CSNK1G1: variants seen among roughly 807,000 people sequenced by gnomAD.
CSNK1G1 encodes casein kinase 1 gamma 1.
In CSNK1G1, 22 loss-of-function variants were observed where a neutral mutation model predicts 59.6. The observed-to-expected ratio is 0.37, with a 90% confidence interval of 0.26 to 0.53. CSNK1G1 has a LOEUF of 0.53. Among genes scored for constraint, CSNK1G1 ranks in the 20% least tolerant of loss-of-function variants. The pLI is 0.89. For synonymous variants in CSNK1G1, 179 were observed against 177.1 expected (o/e 1.01, Z -0.08); for missense variants, 384 against 519.5 (o/e 0.74, Z 2.54).
chr15:64,334,437 G>A (rs1350276178), intron 1 of CSNK1G1, among the ~76,000 whole-genome samples: 1 of 152,104 alleles, frequency 6.6e-6, no homozygotes, highest in African/African-American at 2.4e-5. Context: ...GATGATTCAA[G>A]CACACTACAT....
chr15:64,203,770 C>A (rs1488142507), intron 9 of CSNK1G1, among the ~76,000 whole-genome samples: 1 of 147,334 alleles, frequency 6.8e-6, no homozygotes, highest in African/African-American at 2.5e-5. Flanking sequence ...ACCAGAACAA[C>A]AAATTCAAAA....
chr15:64,323,351 T>C (rs1418506381), intron 1 of CSNK1G1, among the ~76,000 whole-genome samples: 1 of 152,084 alleles, frequency 6.6e-6, no homozygotes, highest in Non-Finnish European at 1.5e-5. Flanking sequence ...AAAAATTATT[T>C]AATTACTGAC....
intron 2 of CSNK1G1, among the ~76,000 whole-genome samples, chr15:64,261,797 G>C (rs1265847449): frequency 1.3e-5 from 2 of 151,736 alleles, no homozygotes; most frequent in African/African-American, 2.4e-5. Flanking sequence ...ACAAAAATTA[G>C]GCAGGCGTGG....
intron 1 of CSNK1G1, among the ~76,000 whole-genome samples, chr15:64,311,026 A>C (rs1895968811): frequency 6.6e-6 from 1 of 151,272 alleles, no homozygotes; most frequent in Non-Finnish European, 1.5e-5. Context: ...AAAGGAAAAA[A>C]GAAAAACATA....
intron 11 of CSNK1G1, among the ~76,000 whole-genome samples, chr15:64,172,646 C>T (rs1376429262): frequency 6.6e-6 from 1 of 152,116 alleles, no homozygotes; most frequent in Non-Finnish European, 1.5e-5. Context: ...TGTCACAGCC[C>T]AAGAGCTGAC....
chr15:64,222,673 TAA>T (rs779834417), intron 4 of CSNK1G1, among the ~76,000 whole-genome samples: 2 of 134,474 alleles, frequency 1.5e-5, no homozygotes, highest in Admixed American at 7.5e-5. Flanking sequence ...CTTTAAAACT[TAA>T]AAAAAAAAAA....
chr15:64,178,546 ATC>A (rs2081769622), intron 11 of CSNK1G1, among the ~76,000 whole-genome samples: 1 of 150,502 alleles, frequency 6.6e-6, no homozygotes, highest in African/African-American at 2.5e-5. Context: ...CGGTGGCACA[ATC>A]TCGACTCACC....
intron 3 of CSNK1G1, 25 bp from the exon 4 acceptor site, chr15:64,251,606 G>C (rs200152725): frequency 5.2e-6 from 8 of 1,550,382 alleles, no homozygotes; most frequent in Non-Finnish European, 7.1e-6. Flanking sequence ...GAAAAACTGT[G>C]ATCAGATTTA....
intron 1 of CSNK1G1, among the ~76,000 whole-genome samples, chr15:64,343,077 T>C (rs1179051502): frequency 6.6e-6 from 1 of 152,082 alleles, no homozygotes; most frequent in Non-Finnish European, 1.5e-5. Context: ...CGGGGTGTGG[T>C]GGCGCATGCC....
Position 64,334,612 on chromosome 15 carries a change from G to C in CSNK1G1, c.-225+21376C>G, listed in dbSNP as rs114300360. 8.3e-3 allele frequency among the ~76,000 whole-genome samples: 1,268 copies of C among 152,270 alleles called. 18 individuals carry two copies. Among genetic ancestry groups the C allele is most frequent in the African/African-American group, 0.029 (1,192 of 41,554 alleles). ...GACTCTGGCCAATCATCAGGCATTA[G>C]ATTCTCATAAGGAGTGCATAACCTA... On this transcript the variant is annotated intron_variant, in intron 1 of 11. Coordinates refer to ENST00000303052, the MANE Select transcript of CSNK1G1 (RefSeq NM_022048.5).
intron 1 of CSNK1G1, among the ~76,000 whole-genome samples, chr15:64,355,244 AC>A (rs1169853553): frequency 6.6e-6 from 1 of 152,110 alleles, no homozygotes; most frequent in African/African-American, 2.4e-5. Context: ...TCAGAATTCC[AC>A]TTTTCTAAGG....
chr15:64,306,172 C>G (rs1364610660), intron 1 of CSNK1G1, among the ~76,000 whole-genome samples: 3 of 152,144 alleles, frequency 2.0e-5, no homozygotes, highest in African/African-American at 7.2e-5. Context: ...AACTTCTGCT[C>G]TGGGGAAGGC....
intron 2 of CSNK1G1, among the ~76,000 whole-genome samples, chr15:64,287,269 G>A (rs1456328054): frequency 6.6e-6 from 1 of 152,112 alleles, no homozygotes; most frequent in Non-Finnish European, 1.5e-5. Context: ...CAATGCTAAA[G>A]TTCCTTATAA....
intron 1 of CSNK1G1, among the ~76,000 whole-genome samples, chr15:64,322,848 T>A (rs1355263617): frequency 6.6e-6 from 1 of 151,892 alleles, no homozygotes; most frequent in Non-Finnish European, 1.5e-5. Context: ...TAAAATAAAG[T>A]CAGTTATTAT....
chr15:64,277,574 A>T (rs1020449366), intron 2 of CSNK1G1, among the ~76,000 whole-genome samples: 1 of 140,226 alleles, frequency 7.1e-6, no homozygotes, highest in African/African-American at 2.6e-5. Flanking sequence ...TTAATATAAT[A>T]AATATATTAA....
intron 2 of CSNK1G1, among the ~76,000 whole-genome samples, chr15:64,299,607 TTATATATATATATAAA>T (rs1895217145): frequency 6.6e-6 from 1 of 150,468 alleles, no homozygotes; most frequent in Non-Finnish European, 1.5e-5. Flanking sequence ...AAAAAAAATT[TTATATATATATATAAA>T]TACCCAATGT....
At chr15:64,234,922 G>C (rs2082595505) in intron 4 of CSNK1G1, among the ~76,000 whole-genome samples, 1 of 152,068 alleles carries the variant, frequency 6.6e-6, no homozygotes, top group Admixed American at 6.5e-5. Context: ...CTCAATCTCT[G>C]CTAGGGCTTA....
chr15:64,327,037 T>C (rs1394838922), intron 1 of CSNK1G1, among the ~76,000 whole-genome samples: 1 of 150,904 alleles, frequency 6.6e-6, no homozygotes, highest in African/African-American at 2.4e-5. Flanking sequence ...CCACGGAATC[T>C]CGCTGATTGC....
rs2081624115 is a variant in CSNK1G1, at chr15:64,168,154, A to G, written c.*3777T>C. On this transcript the variant is annotated 3_prime_UTR_variant, in exon 12 of 12. Transcript: ENST00000303052. ...GACAATCAACATGTCTAGAAACCTCAGGATCTCTGCTGTCATCTGTAGCTC... is the reference window on the plus strand; with the variant it reads ...GACAATCAACATGTCTAGAAACCTCGGGATCTCTGCTGTCATCTGTAGCTC... 1 of 152,690 alleles carries G rather than the reference A, an allele frequency of 6.5e-6. No homozygotes were observed. Among genetic ancestry groups the G allele is most frequent in the Non-Finnish European group, 1.5e-5 (1 of 68,044 alleles). The allele number at this position is 152,690 out of a possible 1,614,324, so 9.5% of individuals were successfully genotyped here.
Sources: allele counts gnomAD v4.1 joint callset (sites outside exome capture counted in the v4.1 genomes callset), GRCh38; gene constraint gnomAD v4.1.1; transcripts MANE v1.5; gene names NCBI Gene and HGNC (gene_info 2026-07-23, HGNC 2026-07-21).